The following SLC6A18 variants were observed in gnomAD, a reference collection of about 807,000 sequenced individuals.
SLC6A18 encodes the protein solute carrier family 6 member 18.
In SLC6A18, 58 loss-of-function variants were observed where a neutral mutation model predicts 62.9. The ratio of observed to expected loss-of-function variants is 0.92; its 90% CI spans 0.75 to 1.15. The LOEUF (loss-of-function observed/expected upper bound fraction) is 1.15, where lower values mean the gene tolerates loss of function less well. SLC6A18 is among the 50% of genes most tolerant of loss of function. The probability of loss-of-function intolerance (pLI) is 0.00; values close to 1 mark genes in which losing one functional copy is unlikely to be tolerated. For synonymous variants in SLC6A18, 382 were observed against 365.8 expected, an observed-to-expected ratio of 1.04 and a Z score of -0.51; for missense variants, 793 against 836.6, an observed-to-expected ratio of 0.95 and a Z score of 0.64.
chr5:1,237,240 C>CAAAAAAAAAA (rs61528804), intron 4 of SLC6A18, among the ~76,000 whole-genome samples: 1 of 76,482 alleles, frequency 1.3e-5, no homozygotes, highest in African/African-American at 5.4e-5. Flanking sequence ...GACTCTGTCT[C>CAAAAAAAAAA]AAAAAAAAAA....
chr5:1,238,052 A>G lies in SLC6A18; in HGVS notation c.724A>G (p.Thr242Ala). Residue 242 changes from threonine to alanine, a missense_variant, in exon 5 of 12, where the codon ACT (threonine) becomes GCT (alanine). Thr to Ala is a moderately conservative substitution (Grantham distance 58, BLOSUM62 0). Transcript: ENST00000324642. ...GATKGLIYLF[T>A]PNMHILQNPR... Reference sequence around the variant, plus strand: ...AACAAAAGGACTCATCTACTTGTTCACTCCCAACGTAAGTGGGTCTTGGAT... The same window carrying G: ...AACAAAAGGACTCATCTACTTGTTCGCTCCCAACGTAAGTGGGTCTTGGAT... The G allele has an allele frequency of 6.2e-7, 1 of 1,613,472 alleles. No homozygotes were observed. Among genetic ancestry groups the G allele is most frequent in the Non-Finnish European group, 8.5e-7 (1 of 1,179,536 alleles).
intron 3 of SLC6A18, among the ~76,000 whole-genome samples, chr5:1,234,519 A>G (rs1464483409): frequency 4.6e-5 from 7 of 152,154 alleles, no homozygotes; most frequent in African/African-American, 7.2e-5. Flanking sequence ...ACCTTGTCCA[A>G]GCGTTTACTT....
intron 4 of SLC6A18, among the ~76,000 whole-genome samples, chr5:1,236,651 G>A (rs1355508723): frequency 1.2e-4 from 19 of 152,174 alleles, no homozygotes; most frequent in Middle Eastern, 3.4e-3. Context: ...TTCAAATGAC[G>A]GTGCTCAGTC....
rs1320101159 is a variant in SLC6A18 at position 1,241,862 on chromosome 5, C to G, written c.975-845C>G. ...AGCAGGCGGATAAGGACCAGCCGTGCGCACAACGCCCTGCGCCGTGCAGCC... is the reference window on the plus strand; with the variant it reads ...AGCAGGCGGATAAGGACCAGCCGTGGGCACAACGCCCTGCGCCGTGCAGCC... On this transcript the variant is annotated intron_variant, in intron 7 of 11. Transcript: ENST00000324642. This position sits in a 1 kb window ranked among gnomAD's most constrained non-coding sequence, Gnocchi z 7.8. 6.6e-6 allele frequency among the ~76,000 whole-genome samples: 1 copy of G among 152,222 alleles called. No homozygotes were observed. Among genetic ancestry groups the G allele is most frequent in the Non-Finnish European group, 1.5e-5 (1 of 68,044 alleles).
At chr5:1,228,251 G>T (rs994648885) in intron 1 of SLC6A18, among the ~76,000 whole-genome samples, 1 of 152,216 alleles carries the variant, frequency 6.6e-6, no homozygotes, top group Admixed American at 6.5e-5. Context: ...TGCCCGGGGG[G>T]AGTTTCCACC....
At chr5:1,242,685 A>G (rs1747094968) in intron 7 of SLC6A18, 22 bp from the exon 8 acceptor site, 7 of 1,584,092 alleles carry the variant, frequency 4.4e-6, no homozygotes, top group Non-Finnish European at 6.0e-6. Context: ...CCATGAGCCC[A>G]CAGTCCTCTC....
In SLC6A18 at chr5:1,243,788, G is replaced by A; in HGVS notation, c.1336+29G>A. The A allele has an allele frequency of 6.4e-7, 1 of 1,559,468 alleles. No individual in the cohort carries two copies. Among genetic ancestry groups the A allele is most frequent in the East Asian group, 2.3e-5 (1 of 44,256 alleles). On this transcript the variant is annotated intron_variant, in intron 9 of 11. Transcript: ENST00000324642. This position sits in a 1 kb window ranked among gnomAD's most constrained non-coding sequence, Gnocchi z 6.5. ...AGCGCACAGCTCCGCCGCCCTGGAG[G>A]ACCCGTCCCCAGCATCTGACTGTCC... is the stretch of plus-strand genomic sequence containing the variant.
intron 1 of SLC6A18, among the ~76,000 whole-genome samples, chr5:1,228,184 G>A (rs1579524177): frequency 1.3e-5 from 2 of 152,096 alleles, no homozygotes; most frequent in Non-Finnish European, 2.9e-5. Flanking sequence ...ACACCAGGTT[G>A]TCAATTTCCA....
At chr5:1,227,040 G>A (rs1189339506) in intron 1 of SLC6A18, among the ~76,000 whole-genome samples, 17 of 115,716 alleles carry the variant, frequency 1.5e-4, no homozygotes, top group African/African-American at 2.4e-4. Context: ...CTTGCCCGCC[G>A]ACGCCTTGCC....
At chr5:1,239,115 G>A (rs919446092) in intron 5 of SLC6A18, among the ~76,000 whole-genome samples, 1 of 152,230 alleles carries the variant, frequency 6.6e-6, no homozygotes, top group African/African-American at 2.4e-5. Context: ...ACCCAGAACC[G>A]CCCGGTTAGA....
chr5:1,242,893 C>T lies in SLC6A18; in HGVS notation c.1131+30C>T, dbSNP rs779398025. 63 of 1,570,800 alleles carry T rather than the reference C, an allele frequency of 4.0e-5. No individual in the cohort carries two copies. The South Asian group carries it at 4.5e-4, about 11-fold the overall frequency. Reference sequence around the variant, plus strand: ...CTGCACACCCCCTGGGGTAGCCAGGCAGGGCCGTCCACAGGAGCACCAGGG... The same window carrying T: ...CTGCACACCCCCTGGGGTAGCCAGGTAGGGCCGTCCACAGGAGCACCAGGG... On this transcript the variant is annotated intron_variant, in intron 8 of 11. Transcript: ENST00000324642.
Position 1,232,469 on chromosome 5 carries a change from C to T in SLC6A18, c.301+110C>T, listed in dbSNP as rs1004449603. ...TGCCTGTGGTACGGAAGCGGCCAGGCCAGGCCGGCGGGTGGGGTGGCAGGG... is the reference window on the plus strand; with the variant it reads ...TGCCTGTGGTACGGAAGCGGCCAGGTCAGGCCGGCGGGTGGGGTGGCAGGG... On this transcript the variant is annotated intron_variant, in intron 2 of 11. Transcript: ENST00000324642. 16 of 1,427,294 alleles carry T rather than the reference C, an allele frequency of 1.1e-5. No individual in the cohort carries two copies. In the Middle Eastern group the frequency reaches 7.5e-4, roughly 67 times the overall value. The allele number at this position is 1,427,294 out of a possible 1,614,324, so 88.4% of individuals were successfully genotyped here.
Position 1,244,644 on chromosome 5 carries a change from GC to G in SLC6A18, c.1536del (p.Ser513AlafsTer6). On this transcript the variant is annotated frameshift_variant, in exon 11 of 12. Coordinates refer to ENST00000324642, the MANE Select transcript of SLC6A18 (RefSeq NM_182632.3). LOFTEE classifies it high-confidence loss of function. The stretch of plus-strand genomic sequence containing the variant: ...ACATTGCGTGGATGACCGGGAGGCG[GC>G]CCAGCCCCTACTGGCGGCTGACCTG... ...DDIAWMTGRR[P>X]SPYWRLTWRV... 1 of 1,609,688 alleles carries G rather than the reference GC, an allele frequency of 6.2e-7. No homozygotes were observed. The highest frequency in any genetic ancestry group is 8.5e-7 in the Non-Finnish European group (1 of 1,176,838).
chr5:1,237,059 C>T (rs1451600622), intron 4 of SLC6A18, among the ~76,000 whole-genome samples: 1 of 149,028 alleles, frequency 6.7e-6, no homozygotes, highest in East Asian at 1.9e-4. Flanking sequence ...CATAGTGACA[C>T]CCCGTGTCTA....
Position 1,243,833 on chromosome 5 carries a change from A to G in SLC6A18, c.1336+74A>G, listed in dbSNP as rs945500754. The G allele has an allele frequency of 9.3e-6, 13 of 1,395,712 alleles. No individual in the cohort carries two copies. The highest frequency in any genetic ancestry group is 1.2e-5 in the Non-Finnish European group (12 of 1,037,452). 86.5% of individuals were successfully genotyped at this position (1,395,712 alleles called of 1,614,324 possible). On this transcript the variant is annotated intron_variant, in intron 9 of 11. Transcript: ENST00000324642. This position sits in a 1 kb window ranked among gnomAD's most constrained non-coding sequence, Gnocchi z 6.5. ...CTGTCCACTCCCGCCCGCTGTCCAG[A>G]CGCCCCTCCTGGATGGAGAGCGCAA...
Position 1,244,233 on chromosome 5 carries a change from C to A in SLC6A18, c.1356C>A (p.Cys452Ter), listed in dbSNP as rs1277090918. The A allele has an allele frequency of 3.5e-6, 5 of 1,444,022 alleles. No individual in the cohort carries two copies. The Admixed American group carries it at 9.2e-5, about 27-fold the overall frequency. The allele number at this position is 1,444,022 out of a possible 1,614,324, so 89.5% of individuals were successfully genotyped here. The stretch of plus-strand genomic sequence containing the variant: ...CCCCAGGGCTGGTCTGCCTGGTCTG[C>A]TTCCTCTCCGCCACCTGCTTCACGC... ...EALTGLVCLV[C>*]FLSATCFTLQ... The change falls in exon 10 of 12, where the codon TGC becomes TGA. Residue 452 changes from cysteine to a stop codon, truncating the protein, a stop_gained. Coordinates refer to ENST00000324642, the MANE Select transcript of SLC6A18 (RefSeq NM_182632.3). LOFTEE classifies it high-confidence loss of function.
chr5:1,230,911 G>A (rs914936475), intron 1 of SLC6A18, among the ~76,000 whole-genome samples: 7 of 152,144 alleles, frequency 4.6e-5, no homozygotes, highest in African/African-American at 9.7e-5. Flanking sequence ...GTGCACAGAC[G>A]GTGACTCGCT....
At position 1,236,558 on chromosome 5, in the gene SLC6A18, C is replaced by A. The variant is rs141816328; in HGVS notation, c.621+896C>A. 3.9e-5 allele frequency among the ~76,000 whole-genome samples: 6 copies of A among 152,326 alleles called. No individual in the cohort carries two copies. The East Asian group carries it at 1.2e-3, about 29-fold the overall frequency. On this transcript the variant is annotated intron_variant, in intron 4 of 11. Coordinates refer to ENST00000324642, the MANE Select transcript of SLC6A18 (RefSeq NM_182632.3). ...CCTGAGCCTCCTGCTTGCCTGGACC[C>A]CTCAAGCAAGAAGAGTTCTTACCCT...
At chr5:1,244,157 C>A in intron 9 of SLC6A18, 57 bp from the exon 10 acceptor site, 1 of 1,272,238 alleles carries the variant, frequency 7.9e-7, no homozygotes, top group South Asian at 1.3e-5. Context: ...TCCTGACCCT[C>A]CCCACACCTC....
Sources: gnomAD v4.1 joint callset for allele counts (sites outside exome capture counted in the v4.1 genomes callset) on GRCh38, gnomAD v4.1.1 for gene constraint, Gnocchi (gnomAD v3.1) non-coding constraint, MANE v1.5 for transcripts, NCBI Gene and HGNC (gene_info 2026-07-23, HGNC 2026-07-21) for gene names.